The following AGO3 variants were observed in gnomAD, a reference collection of about 807,000 sequenced individuals.
AGO3 encodes the protein argonaute RISC catalytic component 3.
A neutral mutation model predicts 105.5 loss-of-function variants in AGO3; 16 were observed. The ratio of observed to expected loss-of-function variants is 0.15; its 90% CI spans 0.10 to 0.23. The LOEUF is 0.23. Among genes scored for constraint, AGO3 ranks in the 10% least tolerant of loss-of-function variants. The probability of loss-of-function intolerance (pLI) is 1.00; values close to 1 mark genes in which losing one functional copy is unlikely to be tolerated. For missense variants in AGO3, 534 were observed against 1,088.0 expected, an observed-to-expected ratio of 0.49 and a Z score of 7.16; for synonymous variants, 340 against 367.3, an observed-to-expected ratio of 0.93 and a Z score of 0.85.
At chr1:35,977,842 A>G (rs541088206) in intron 5 of AGO3, among the ~76,000 whole-genome samples, 8 of 152,094 alleles carry the variant, frequency 5.3e-5, no homozygotes, top group Non-Finnish European at 8.8e-5. Flanking sequence ...GCTTTCAACA[A>G]TAAGCATCTA....
chr1:35,939,755 T>C (rs902320113), intron 1 of AGO3, among the ~76,000 whole-genome samples: 3 of 152,120 alleles, frequency 2.0e-5, no homozygotes, highest in Non-Finnish European at 4.4e-5. Flanking sequence ...TTTATGATAT[T>C]TTACTATAGA....
At chr1:36,026,561 A>G (rs1641513925) in intron 11 of AGO3, among the ~76,000 whole-genome samples, 1 of 152,230 alleles carries the variant, frequency 6.6e-6, no homozygotes, top group South Asian at 2.1e-4. Context: ...TGTAATGTCT[A>G]TGAAACTATT....
At chr1:35,978,490 C>G (rs1646993233) in intron 5 of AGO3, among the ~76,000 whole-genome samples, 1 of 152,076 alleles carries the variant, frequency 6.6e-6, no homozygotes, top group African/African-American at 2.4e-5. Flanking sequence ...CCGCATCTGG[C>G]CTGAAAACAA....
Position 36,055,551 on chromosome 1 carries a change from A to C in AGO3, c.2475-86A>C. Reference sequence around the variant, plus strand: ...GTCTCTTATTTGTTAATAATTTTGAAATTTTCTACAACAAATAGTATTTTT... The same window carrying C: ...GTCTCTTATTTGTTAATAATTTTGACATTTTCTACAACAAATAGTATTTTT... On this transcript the variant is annotated intron_variant, in intron 18 of 18. Coordinates refer to ENST00000373191, the MANE Select transcript of AGO3 (RefSeq NM_024852.4). This position sits in a 1 kb window ranked among gnomAD's most constrained non-coding sequence, Gnocchi z 4.4. 7.8e-7 allele frequency: 1 copy of C among 1,289,458 alleles called. No individual in the cohort carries two copies. Among genetic ancestry groups the C allele is most frequent in the Non-Finnish European group, 1.1e-6 (1 of 896,620 alleles). 79.9% of individuals were successfully genotyped at this position (1,289,458 alleles called of 1,614,324 possible).
chr1:35,983,420 A>AAG (rs1647094848), intron 5 of AGO3: 1 of 151,390 alleles, frequency 6.6e-6, no homozygotes, highest in Non-Finnish European at 1.5e-5. Context: ...AAAAAAAAAA[A>AAG]AAAAAAAAAG....
chr1:35,960,488 A>AT (rs1000574985), intron 2 of AGO3, among the ~76,000 whole-genome samples: 146 of 149,032 alleles, frequency 9.8e-4, no homozygotes, highest in African/African-American at 2.4e-3. Flanking sequence ...TCAAAAAAAA[A>AT]TTTTTTTTTT....
intron 2 of AGO3, 28 bp from the exon 3 acceptor site, chr1:35,966,927 A>G (rs1188421622): frequency 1.9e-6 from 3 of 1,592,480 alleles, no homozygotes; most frequent in African/African-American, 2.7e-5. Flanking sequence ...ACAGAGGATT[A>G]TGTGAATATA....
At chr1:35,996,621 A>G (rs889063115) in intron 5 of AGO3, among the ~76,000 whole-genome samples, 1 of 151,950 alleles carries the variant, frequency 6.6e-6, no homozygotes, top group Non-Finnish European at 1.5e-5. Context: ...AAGTACAAAA[A>G]TTAGGCAGGT....
At chr1:36,007,837 A>G (rs770573675) in intron 6 of AGO3, among the ~76,000 whole-genome samples, 23 of 152,186 alleles carry the variant, frequency 1.5e-4, no homozygotes, top group Admixed American at 3.9e-4. Flanking sequence ...TCTCTTTGAC[A>G]GCACTGCTTC....
In AGO3 at chr1:36,071,160, G is replaced by A. The variant is rs1643158649; in HGVS notation, c.*15415G>A. 1 of 152,080 alleles carries A rather than the reference G, an allele frequency of 6.6e-6. No homozygotes were observed. The highest frequency in any genetic ancestry group is 2.1e-4 in the South Asian group (1 of 4,826). The allele number at this position is 152,080 out of a possible 1,614,324, so 9.4% of individuals were successfully genotyped here. On this transcript the variant is annotated 3_prime_UTR_variant, in exon 19 of 19. Coordinates refer to ENST00000373191, the MANE Select transcript of AGO3 (RefSeq NM_024852.4). ...TACAAACATACACCCCTAAAGCGTA[G>A]CTAACTGCTCCCACTAGATAATTGC...
chr1:35,967,750 A>G (rs959431354), intron 3 of AGO3, among the ~76,000 whole-genome samples: 12 of 152,156 alleles, frequency 7.9e-5, no homozygotes, highest in Admixed American at 6.6e-4. Flanking sequence ...CCTAAGAACA[A>G]TGATAAAAAC....
In AGO3 at chr1:36,070,436, A is replaced by G. The variant is rs1473635414; in HGVS notation, c.*14691A>G. ...GATCGTGGCAGGTCCTTACATTTCA[A>G]CAGGCTTATGCATTTCCATGGGGGG... On this transcript the variant is annotated 3_prime_UTR_variant, in exon 19 of 19. Coordinates refer to ENST00000373191, the MANE Select transcript of AGO3 (RefSeq NM_024852.4). 4 of 152,230 alleles carry G rather than the reference A, an allele frequency of 2.6e-5. No homozygotes were observed. Among genetic ancestry groups the G allele is most frequent in the East Asian group, 1.9e-4 (1 of 5,206 alleles). The allele number at this position is 152,230 out of a possible 1,614,324, so 9.4% of individuals were successfully genotyped here.
chr1:36,048,896 C>T (rs943230532), intron 17 of AGO3, among the ~76,000 whole-genome samples: 2 of 152,110 alleles, frequency 1.3e-5, no homozygotes, highest in Non-Finnish European at 1.5e-5. Flanking sequence ...TTTGTAGAGA[C>T]GGGATATCAC....
chr1:36,008,736 C>T lies in AGO3; in HGVS notation c.840C>T (p.Tyr280=), dbSNP rs776960802. The T allele has an allele frequency of 6.2e-7, 1 of 1,614,062 alleles. No homozygotes were observed. The highest frequency in any genetic ancestry group is 8.5e-7 in the Non-Finnish European group (1 of 1,180,018). ...ATTGTGGAACAATGAGACGGAAATA[C>T]CGTGTTTGTAATGTAACAAGGAGGC... ...VTHCGTMRRK[Y]RVCNVTRRPA... Residue 280 remains tyrosine (Y), a synonymous_variant, in exon 7 of 19, where the codon TAC becomes TAT. Transcript: ENST00000373191. This position sits in a 1 kb window ranked among gnomAD's most constrained non-coding sequence, Gnocchi z 5.1.
At chr1:35,957,018 A>G (rs1171932110) in intron 2 of AGO3, among the ~76,000 whole-genome samples, 1 of 152,124 alleles carries the variant, frequency 6.6e-6, no homozygotes, top group African/African-American at 2.4e-5. Flanking sequence ...CCAGGCGTAT[A>G]GAGACTGAAA....
intron 3 of AGO3, among the ~76,000 whole-genome samples, chr1:35,971,705 T>C (rs1646874209): frequency 6.6e-6 from 1 of 152,178 alleles, no homozygotes; most frequent in South Asian, 2.1e-4. Flanking sequence ...TTGTAATCTT[T>C]TGTACTTTGC....
chr1:36,046,085 C>A (rs897953383), intron 17 of AGO3, among the ~76,000 whole-genome samples: 2 of 152,206 alleles, frequency 1.3e-5, no homozygotes, highest in African/African-American at 4.8e-5. Flanking sequence ...GACACCTACA[C>A]TGGGGTCCCC....
At chr1:36,042,977 G>T (rs898616010) in intron 16 of AGO3, among the ~76,000 whole-genome samples, 1 of 152,184 alleles carries the variant, frequency 6.6e-6, no homozygotes, top group Non-Finnish European at 1.5e-5. Context: ...TAGAAATAAT[G>T]TGTTCAAAGT....
chr1:36,070,674 A>C lies in AGO3; in HGVS notation c.*14929A>C, dbSNP rs1004379942. ...GTTGGGCTTTTCCAACTCATTGCTA[A>C]CAAAGCTGGCATCTGCATTAATTTC... is the stretch of plus-strand genomic sequence containing the variant. On this transcript the variant is annotated 3_prime_UTR_variant, in exon 19 of 19. Transcript: ENST00000373191. 2 of 152,222 alleles carry C rather than the reference A, an allele frequency of 1.3e-5. No homozygotes were observed. Among genetic ancestry groups the C allele is most frequent in the African/African-American group, 2.4e-5 (1 of 41,450 alleles). 9.4% of individuals were successfully genotyped at this position (152,222 alleles called of 1,614,324 possible).
Sources: allele counts gnomAD v4.1 joint callset (sites outside exome capture counted in the v4.1 genomes callset), GRCh38; gene constraint gnomAD v4.1.1; non-coding constraint Gnocchi (gnomAD v3.1); transcripts MANE v1.5; gene names NCBI Gene and HGNC (gene_info 2026-07-23, HGNC 2026-07-21).